CDCA7L: variants seen among roughly 807,000 people sequenced by gnomAD.
The protein encoded by CDCA7L is cell division cycle-associated 7-like protein.
A neutral mutation model predicts 57.4 loss-of-function variants in CDCA7L; 44 were observed. The ratio of observed to expected loss-of-function variants is 0.77; its 90% CI spans 0.60 to 0.98. The LOEUF (loss-of-function observed/expected upper bound fraction) is 0.98, where lower values mean the gene tolerates loss of function less well. Ranked by LOEUF, CDCA7L falls within the 50% of genes least tolerant of loss-of-function variation. CDCA7L has a pLI of 0.00. For missense variants in CDCA7L, 644 were observed against 580.6 expected, an observed-to-expected ratio of 1.11 and a Z score of -1.12; for synonymous variants, 236 against 202.8, an observed-to-expected ratio of 1.16 and a Z score of -1.39.
At chr7:21,904,499 G>A (rs987937945) in intron 7 of CDCA7L, among the ~76,000 whole-genome samples, 2 of 151,492 alleles carry the variant, frequency 1.3e-5, no homozygotes, top group East Asian at 1.9e-4. Context: ...AGCAGCGGAC[G>A]GGCGAGCATT....
Position 21,901,993 on chromosome 7 carries a change from T to TGATCATA in CDCA7L, c.*322_*328dup, listed in dbSNP as rs1784897737. 3.0e-6 allele frequency: 1 copy of TGATCATA among 330,054 alleles called. No individual in the cohort carries two copies. The highest frequency in any genetic ancestry group is 5.7e-6 in the Non-Finnish European group (1 of 175,040). The allele number at this position is 330,054 out of a possible 1,614,324, so 20.4% of individuals were successfully genotyped here. A position where few individuals can be genotyped will look rare whatever the true frequency, so the allele number is the denominator to read the frequency against. On this transcript the variant is annotated 3_prime_UTR_variant, in exon 10 of 10. Coordinates refer to ENST00000406877, the MANE Select transcript of CDCA7L (RefSeq NM_018719.5). The stretch of plus-strand genomic sequence containing the variant: ...AGATAGATAGATCAAGTGCAGGAGC[T>TGATCATA]GATCATACAATGTTTTCTCTCTAAC...
chr7:21,936,620 C>T (rs1786174040), intron 1 of CDCA7L, among the ~76,000 whole-genome samples: 3 of 151,868 alleles, frequency 2.0e-5, no homozygotes, highest in East Asian at 1.9e-4. Context: ...ATTCAACACC[C>T]TTCCCTCATC....
At chr7:21,905,400 GC>G in intron 7 of CDCA7L, 105 bp downstream of exon 7, 1 of 1,274,890 alleles carries the variant, frequency 7.8e-7, no homozygotes, top group Non-Finnish European at 1.1e-6. Flanking sequence ...CTGGCTCTGA[GC>G]CCTTGGTGAG....
At chr7:21,908,619 G>C in intron 3 of CDCA7L, 112 bp from the exon 4 acceptor site, 1 of 1,157,642 alleles carries the variant, frequency 8.6e-7, no homozygotes, top group Non-Finnish European at 1.2e-6. Flanking sequence ...AAAATGAAAA[G>C]CTTCCCCTTC....
At chr7:21,918,820 C>T (rs1242190983) in intron 1 of CDCA7L, among the ~76,000 whole-genome samples, 3 of 152,062 alleles carry the variant, frequency 2.0e-5, no homozygotes, top group Non-Finnish European at 2.9e-5. Flanking sequence ...ATTTGTTCTT[C>T]GCTTTTAAAA....
At chr7:21,944,449 CAAAAAAAA>C (rs59373889) in intron 1 of CDCA7L, among the ~76,000 whole-genome samples, 43 of 61,630 alleles carry the variant, frequency 7.0e-4, no homozygotes, top group Admixed American at 1.0e-3. Context: ...ACTCCGTCTC[CAAAAAAAA>C]AAAAAAAAAA....
intron 4 of CDCA7L, among the ~76,000 whole-genome samples, chr7:21,907,665 A>C (rs1278372496): frequency 6.6e-6 from 1 of 152,202 alleles, no homozygotes; most frequent in Admixed American, 6.5e-5. Flanking sequence ...GACCTCTTCC[A>C]TTCCTTCAGA....
intron 1 of CDCA7L, 53 bp downstream of exon 1, chr7:21,945,728 G>A (rs1786504012): frequency 1.9e-6 from 3 of 1,600,340 alleles, no homozygotes; most frequent in East Asian, 2.3e-5. Flanking sequence ...GGGTGGCAAA[G>A]GGAAGTCAAA....
intron 1 of CDCA7L, among the ~76,000 whole-genome samples, chr7:21,917,835 C>A (rs1336940559): frequency 1.4e-5 from 2 of 141,778 alleles, no homozygotes; most frequent in Admixed American, 1.5e-4. Flanking sequence ...ATATCTCCCA[C>A]GGATAAGGAC....
At chr7:21,903,831 G>C (rs1408763394) in intron 8 of CDCA7L, 2 of 311,726 alleles carry the variant, frequency 6.4e-6, no homozygotes, top group African/African-American at 4.3e-5. Flanking sequence ...TGAAGGACAG[G>C]TACAGGGATT....
chr7:21,926,463 A>G (rs887205712), intron 1 of CDCA7L, among the ~76,000 whole-genome samples: 1 of 152,252 alleles, frequency 6.6e-6, no homozygotes, highest in Non-Finnish European at 1.5e-5. Flanking sequence ...CAAACAACCA[A>G]TCAAAAAATA....
At chr7:21,922,980 A>G (rs1348627186) in intron 1 of CDCA7L, among the ~76,000 whole-genome samples, 1 of 152,190 alleles carries the variant, frequency 6.6e-6, no homozygotes, top group Non-Finnish European at 1.5e-5. Context: ...ATCCTCGGAG[A>G]CAGCAGAATG....
In CDCA7L at chr7:21,903,122, A is replaced by AGAGAT; in HGVS notation, c.1198-13_1198-9dup. The stretch of plus-strand genomic sequence containing the variant: ...GGGGGGACACACCCAATCCTAACAG[A>AGAGAT]GAGATGACAGCAGACACTTCGCTCA... On this transcript the variant is annotated splice_polypyrimidine_tract_variant and intron_variant, in intron 8 of 9. Coordinates refer to ENST00000406877, the MANE Select transcript of CDCA7L (RefSeq NM_018719.5). 6.2e-7 allele frequency: 1 copy of AGAGAT among 1,612,240 alleles called. No homozygotes were observed. Among genetic ancestry groups the AGAGAT allele is most frequent in the Admixed American group, 1.7e-5 (1 of 59,926 alleles).
chr7:21,912,988 C>G (rs4077528), intron 2 of CDCA7L, among the ~76,000 whole-genome samples: 1,732 of 152,182 alleles, frequency 0.011, 32 homozygotes, highest in African/African-American at 0.04. Flanking sequence ...CCCGCCACAC[C>G]TCATCAAGAC....
intron 1 of CDCA7L, among the ~76,000 whole-genome samples, chr7:21,944,341 C>T (rs1313591340): frequency 6.7e-6 from 1 of 149,478 alleles, no homozygotes; most frequent in African/African-American, 2.5e-5. Flanking sequence ...ATCCCAGCTA[C>T]TCGGGACGCT....
At position 21,901,391 on chromosome 7, in the gene CDCA7L, A is replaced by C; in HGVS notation, c.*931T>G. ...ATTCTTTTTTCAACGCTATCCTTAG[A>C]GTGAAAGTCAGAAAAAAATACTAGA... On this transcript the variant is annotated 3_prime_UTR_variant, in exon 10 of 10. Coordinates refer to ENST00000406877, the MANE Select transcript of CDCA7L (RefSeq NM_018719.5). 8.1e-7 allele frequency: 1 copy of C among 1,233,506 alleles called. No homozygotes were observed. The highest frequency in any genetic ancestry group is 1.0e-6 in the Non-Finnish European group (1 of 953,022). 76.4% of individuals were successfully genotyped at this position (1,233,506 alleles called of 1,614,324 possible). A position where few individuals can be genotyped will look rare whatever the true frequency, so the allele number is the denominator to read the frequency against.
Position 21,900,995 on chromosome 7 carries a change from T to G in CDCA7L, c.*1327A>C. On this transcript the variant is annotated 3_prime_UTR_variant, in exon 10 of 10. Coordinates refer to ENST00000406877, the MANE Select transcript of CDCA7L (RefSeq NM_018719.5). ...CTGCCACACAATTGCAACCGCTGTG[T>G]TTTTGCCATAGGCGCCCGCTGGGAC... The G allele has an allele frequency of 6.4e-7, 1 of 1,572,196 alleles. No individual in the cohort carries two copies. The highest frequency in any genetic ancestry group is 8.6e-7 in the Non-Finnish European group (1 of 1,159,454).
intron 1 of CDCA7L, among the ~76,000 whole-genome samples, chr7:21,936,485 C>T (rs985091872): frequency 6.6e-6 from 1 of 152,152 alleles, no homozygotes. Flanking sequence ...CACCAAGTGG[C>T]ATTTATTCTA....
intron 1 of CDCA7L, among the ~76,000 whole-genome samples, chr7:21,939,422 G>C (rs1179482823): frequency 6.6e-6 from 1 of 152,176 alleles, no homozygotes; most frequent in African/African-American, 2.4e-5. Flanking sequence ...AGTCATTTTA[G>C]ATATGTATTT....
Sources: allele counts gnomAD v4.1 joint callset (sites outside exome capture counted in the v4.1 genomes callset), GRCh38; gene constraint gnomAD v4.1.1; transcripts MANE v1.5; gene names NCBI Gene and HGNC (gene_info 2026-07-23, HGNC 2026-07-21).